The following MRPL28 variants were observed in gnomAD, a reference collection of about 807,000 sequenced individuals.
MRPL28 encodes the protein mitochondrial ribosomal protein L28, also known as large ribosomal subunit protein bL28m.
A neutral mutation model predicts 26.2 loss-of-function variants in MRPL28; 25 were observed. That is an observed-to-expected ratio of 0.95 (90% CI 0.69 to 1.33). The LOEUF is 1.33. Among genes scored for constraint, MRPL28 ranks in the 40% most tolerant of loss-of-function variants. The pLI, the probability that MRPL28 is intolerant of heterozygous loss-of-function variation, is 0.00. For missense variants in MRPL28, 432 were observed against 327.2 expected (o/e 1.32, Z -2.47); for synonymous variants, 227 against 140.1 (o/e 1.62, Z -4.38).
chr16:368,594 C>T lies in MRPL28; in HGVS notation c.483G>A (p.Leu161=). The part of the protein sequence containing the change: ...EDLCSKFGMD[L]KRGMLLRLAR... ...CAAGCCGCAGCAGCATCCCTCGCTT[C>T]AGGTCCATCCCAAACTTGGAGCACA... The change falls in exon 4 of 6, where the codon CTG becomes CTA. Residue 161 remains leucine, a synonymous_variant. Coordinates refer to ENST00000199706, the MANE Select transcript of MRPL28 (RefSeq NM_006428.5). 1 of 1,592,340 alleles carries T rather than the reference C, an allele frequency of 6.3e-7. No homozygotes were observed.
chr16:368,918 C>G (rs1173249137), intron 3 of MRPL28, 150 bp downstream of exon 3: 2 of 1,126,966 alleles, frequency 1.8e-6, no homozygotes, highest in African/African-American at 3.2e-5. Flanking sequence ...TGGTGCTGGC[C>G]AGAAAGGGGC....
chr16:368,663 T>C (rs950828970), intron 3 of MRPL28, 28 bp from the exon 4 acceptor site: 1 of 1,525,478 alleles, frequency 6.6e-7, no homozygotes, highest in Non-Finnish European at 8.8e-7. Context: ...TGGGGCCAGG[T>C]GCTGGTGGCA....
rs777365487 is a variant in MRPL28, at chr16:367,525, G to A, written c.*150C>T. On this transcript the variant is annotated 3_prime_UTR_variant, in exon 6 of 6. Coordinates refer to ENST00000199706, the MANE Select transcript of MRPL28 (RefSeq NM_006428.5). Reference sequence around the variant, plus strand: ...TGGGGATCCCTGCCAAGCTGGCCCCGGGCTGGAAGGTGCATGGGCAGCACA... The same window carrying A: ...TGGGGATCCCTGCCAAGCTGGCCCCAGGCTGGAAGGTGCATGGGCAGCACA... The A allele has an allele frequency of 2.5e-4, 193 of 772,376 alleles. No individual in the cohort carries two copies. Among genetic ancestry groups the A allele is most frequent in the Non-Finnish European group, 3.6e-4 (157 of 442,254 alleles). The allele number at this position is 772,376 out of a possible 1,614,324, so 47.8% of individuals were successfully genotyped here.
At chr16:368,768 C>T in intron 3 of MRPL28, 133 bp from the exon 4 acceptor site, 1 of 1,358,898 alleles carries the variant, frequency 7.4e-7, no homozygotes, top group African/African-American at 1.5e-5. Flanking sequence ...GGGGCCGCCT[C>T]AGCACCCCAG....
chr16:368,957 C>T (rs1487528713), intron 3 of MRPL28, 111 bp downstream of exon 3: 2 of 1,339,762 alleles, frequency 1.5e-6, no homozygotes, highest in African/African-American at 1.5e-5. Context: ...TCCCAGTGAC[C>T]CTCCTGTGCA....
Position 369,218 on chromosome 16 carries a change from G to A in MRPL28, c.291C>T (p.Leu97=). ...LGQIYANNDK[L]SKRLKKVWKP... is the part of the protein sequence containing the mutation. ...TCCACACTTTCTTCAGCCTCTTGGAGAGCTGAGGGTGCAACAGAGCCTCCA... is the reference window on the plus strand; with the variant it reads ...TCCACACTTTCTTCAGCCTCTTGGAAAGCTGAGGGTGCAACAGAGCCTCCA... The change falls in exon 3 of 6, where the codon CTC becomes CTT. Residue 97 remains leucine (L), a splice_region_variant and synonymous_variant. Coordinates refer to ENST00000199706, the MANE Select transcript of MRPL28 (RefSeq NM_006428.5). 3 of 1,613,872 alleles carry A rather than the reference G, an allele frequency of 1.9e-6. No individual in the cohort carries two copies. Among genetic ancestry groups the A allele is most frequent in the Non-Finnish European group, 2.5e-6 (3 of 1,179,868 alleles).
intron 2 of MRPL28, 119 bp downstream of exon 2, chr16:369,812 G>C: frequency 7.9e-7 from 1 of 1,269,326 alleles, no homozygotes; most frequent in South Asian, 1.4e-5. Context: ...GAGATGTGTC[G>C]CCTCCAGGCT....
rs1310916934 is a variant in MRPL28, at chr16:370,127, G to A, written c.92C>T (p.Ser31Phe). The stretch of plus-strand genomic sequence containing the variant: ...AGTGGGCGTCCGCTCCTCCTCCAGG[G>A]AGCGCAGGTAGTGGCCGGGCAGGCG... ...CSRLPGHYLRSLEEERTPTPV... is the reference protein window; with the variant it reads ...CSRLPGHYLRFLEEERTPTPV... Residue 31 changes from serine (S) to phenylalanine (F), a missense_variant, in exon 2 of 6, where the codon TCC (serine) becomes TTC (phenylalanine). By Grantham distance (155) the Ser-to-Phe change is radical. Transcript: ENST00000199706. The A allele has an allele frequency of 3.7e-6, 6 of 1,608,224 alleles. No individual in the cohort carries two copies. Among genetic ancestry groups the A allele is most frequent in the Admixed American group, 1.7e-5 (1 of 59,308 alleles).
At position 368,654 on chromosome 16, in the gene MRPL28, G is replaced by A. The variant is rs761788977; in HGVS notation, c.442-19C>T. The A allele has an allele frequency of 6.5e-7, 1 of 1,530,890 alleles. No individual in the cohort carries two copies. Among genetic ancestry groups the A allele is most frequent in the South Asian group, 1.3e-5 (1 of 77,526 alleles). 94.8% of individuals were successfully genotyped at this position (1,530,890 alleles called of 1,614,324 possible). A position where few individuals can be genotyped will look rare whatever the true frequency, so the allele number is the denominator to read the frequency against. On this transcript the variant is annotated intron_variant, in intron 3 of 5. Transcript: ENST00000199706. ...TCGGGGTCTGGCAGAAGGCTCACAT[G>A]GGGCCAGGTGCTGGTGGCAGGGCCC...
rs148798941 is a variant in MRPL28 at position 367,750 on chromosome 16, C to A, written c.696G>T (p.Ala232=). Residue 232 remains alanine (A), a synonymous_variant, in exon 6 of 6, where the codon GCG becomes GCT. Coordinates refer to ENST00000199706, the MANE Select transcript of MRPL28 (RefSeq NM_006428.5). ...DPVPLFKIYV[A]ELIQQLQQQA... ...GCTGCTGCAGCTGCTGGATCAGCTCCGCCACATAGATCTTGAACAGGGGTA... is the reference window on the plus strand; with the variant it reads ...GCTGCTGCAGCTGCTGGATCAGCTCAGCCACATAGATCTTGAACAGGGGTA... 1 of 1,613,840 alleles carries A rather than the reference C, an allele frequency of 6.2e-7. No individual in the cohort carries two copies. Among genetic ancestry groups the A allele is most frequent in the Admixed American group, 1.7e-5 (1 of 60,020 alleles).
Position 369,151 on chromosome 16 carries a change from C to T in MRPL28, c.358G>A (p.Asp120Asn), listed in dbSNP as rs749935053. The change falls in exon 3 of 6, where the codon GAC (aspartate) becomes AAC (asparagine). Residue 120 changes from aspartate to asparagine, a missense_variant. Coordinates refer to ENST00000199706, the MANE Select transcript of MRPL28 (RefSeq NM_006428.5). Reference protein sequence around the residue: ...FEREFYSEILDKKFTVTVTMR... With the variant: ...FEREFYSEILNKKFTVTVTMR... ...GTCACAGTCACTGTGAACTTCTTGTCCAGGATCTCACTGTAGAACTCTCGC... is the reference window on the plus strand; with the variant it reads ...GTCACAGTCACTGTGAACTTCTTGTTCAGGATCTCACTGTAGAACTCTCGC... 4.3e-6 allele frequency: 7 copies of T among 1,613,926 alleles called. No homozygotes were observed. Among genetic ancestry groups the T allele is most frequent in the African/African-American group, 1.3e-5 (1 of 74,914 alleles).
chr16:368,360 C>T lies in MRPL28; in HGVS notation c.631G>A (p.Ala211Thr), dbSNP rs550149059. 45 of 1,613,532 alleles carry T rather than the reference C, an allele frequency of 2.8e-5. No individual in the cohort carries two copies. Among genetic ancestry groups the T allele is most frequent in the Non-Finnish European group, 3.1e-5 (37 of 1,179,906 alleles). Residue 211 changes from alanine (A) to threonine (T), a missense_variant, in exon 5 of 6, where the codon GCC (alanine) becomes ACC (threonine). Ala to Thr is a moderately conservative substitution (Grantham distance 58). Transcript: ENST00000199706. The stretch of plus-strand genomic sequence containing the variant: ...TCCAAAAGTCTCTGCTTCTCAATGG[C>T]CTCCTCCAGCGTGAGGCCCACCCAC... The part of the protein sequence containing the change: ...AEWVGLTLEE[A>T]IEKQRLLEEK...
In MRPL28 at chr16:370,093, G is replaced by A. The variant is rs754608944; in HGVS notation, c.126C>T (p.His42=). 2 of 1,611,398 alleles carry A rather than the reference G, an allele frequency of 1.2e-6. No homozygotes were observed. The highest frequency in any genetic ancestry group is 1.7e-5 in the Admixed American group (1 of 59,696). ...LEEERTPTPV[H]YRPHGAKFKI... Reference sequence around the variant, plus strand: ...TGAACTTGGCCCCATGAGGCCTATAGTGCACGGGAGTGGGCGTCCGCTCCT... The same window carrying A: ...TGAACTTGGCCCCATGAGGCCTATAATGCACGGGAGTGGGCGTCCGCTCCT... Residue 42 remains histidine (H), a synonymous_variant, in exon 2 of 6, where the codon CAC becomes CAT. Coordinates refer to ENST00000199706, the MANE Select transcript of MRPL28 (RefSeq NM_006428.5).
intron 3 of MRPL28, 130 bp from the exon 4 acceptor site, chr16:368,765 C>T (rs761424674): frequency 1.0e-4 from 138 of 1,371,274 alleles, no homozygotes; most frequent in Non-Finnish European, 1.3e-4. Flanking sequence ...GGTGGGGCCG[C>T]CTCAGCACCC....
At position 367,717 on chromosome 16, in the gene MRPL28, C is replaced by G; in HGVS notation, c.729G>C (p.Leu243=). ...TCTTCTGCACCACCGCCGGCTCTGA[C>G]AGTGCCTGCTGCTGCAGCTGCTGGA... ...ELIQQLQQQA[L]SEPAVVQKRA... is the part of the protein sequence containing the mutation. The change falls in exon 6 of 6, where the codon CTG becomes CTC. Residue 243 remains leucine, a synonymous_variant. Transcript: ENST00000199706. The G allele has an allele frequency of 6.2e-7, 1 of 1,613,892 alleles. No individual in the cohort carries two copies. Among genetic ancestry groups the G allele is most frequent in the Non-Finnish European group, 8.5e-7 (1 of 1,180,026 alleles).
chr16:368,693 AG>A, intron 3 of MRPL28, 58 bp from the exon 4 acceptor site: 2 of 1,513,442 alleles, frequency 1.3e-6, no homozygotes, highest in Non-Finnish European at 1.8e-6. Flanking sequence ...CTACCCTTCC[AG>A]CCAACCCACC....
chr16:370,187 C>T lies in MRPL28; in HGVS notation c.32G>A (p.Trp11Ter). 2 of 1,598,082 alleles carry T rather than the reference C, an allele frequency of 1.3e-6. No individual in the cohort carries two copies. The highest frequency in any genetic ancestry group is 1.7e-6 in the Non-Finnish European group (2 of 1,176,786). The change falls in exon 2 of 6, where the codon TGG becomes TAG. Residue 11 changes from tryptophan to a stop codon, truncating the protein, a stop_gained. Coordinates refer to ENST00000199706, the MANE Select transcript of MRPL28 (RefSeq NM_006428.5). LOFTEE classifies it high-confidence loss of function. MPLHKYPVWL[W>*]KRLQLREGIC... ...GCCCTCCCGCAGCTGCAGCCGCTTC[C>T]AGAGCCACACGGGATACTTGTGTAG...
At position 369,381 on chromosome 16, in the gene MRPL28, C is replaced by T. The variant is rs540881490; in HGVS notation, c.289-161G>A. ...AACTGGGCCGGCCCCCAGCCCAGTG[C>T]CGCCCCAGCCCGACCCGGGTCCTGA... On this transcript the variant is annotated intron_variant, in intron 2 of 5. Coordinates refer to ENST00000199706, the MANE Select transcript of MRPL28 (RefSeq NM_006428.5). 2.3e-5 allele frequency: 20 copies of T among 851,310 alleles called. No homozygotes were observed. The African/African-American group carries it at 2.9e-4, about 12-fold the overall frequency. 52.7% of individuals were successfully genotyped at this position (851,310 alleles called of 1,614,324 possible).
chr16:369,791 C>A (rs1013332722), intron 2 of MRPL28, 140 bp downstream of exon 2: 3 of 1,107,272 alleles, frequency 2.7e-6, no homozygotes, highest in Non-Finnish European at 3.9e-6. Flanking sequence ...ACTCAGCGTG[C>A]TCCTTTGCCG....
Sources: gnomAD v4.1 joint callset for allele counts on GRCh38, gnomAD v4.1.1 for gene constraint, MANE v1.5 for transcripts, NCBI Gene and HGNC (gene_info 2026-07-23, HGNC 2026-07-21) for gene names.